Variants in FAT3 observed in about 807,000 individuals in gnomAD.
FAT3 encodes the protein FAT atypical cadherin 3.
A neutral mutation model predicts 310.2 loss-of-function variants in FAT3; 95 were observed. The observed-to-expected ratio is 0.31, with a 90% CI of 0.26 to 0.36. The LOEUF (loss-of-function observed/expected upper bound fraction) is 0.36. Ranked by LOEUF, FAT3 falls within the 10% of genes least tolerant of loss-of-function variation. The probability of loss-of-function intolerance (pLI) is 1.00; values close to 1 mark genes in which losing one functional copy is unlikely to be tolerated. For synonymous variants in FAT3, 2,314 were observed against 2,192.9 expected (o/e 1.06, Z -1.54); for missense variants, 5,408 against 5,715.6 (o/e 0.95, Z 1.74).
At chr11:92,576,271 T>C (rs1380983953) in intron 3 of FAT3, among the ~76,000 whole-genome samples, 1 of 152,160 alleles carries the variant, frequency 6.6e-6, no homozygotes, top group African/African-American at 2.4e-5. Context: ...CTAGAGAATA[T>C]TTAGTTACTT....
At chr11:92,516,854 CAGAG>C (rs1271928423) in intron 2 of FAT3, among the ~76,000 whole-genome samples, 1 of 152,126 alleles carries the variant, frequency 6.6e-6, no homozygotes, top group Admixed American at 6.6e-5. Flanking sequence ...AGTAGACAAA[CAGAG>C]AGCCAAATCA....
intron 9 of FAT3, among the ~76,000 whole-genome samples, chr11:92,796,406 G>A (rs187945137): frequency 6.6e-6 from 1 of 152,114 alleles, no homozygotes; most frequent in Non-Finnish European, 1.5e-5. Flanking sequence ...AAATAAGCAA[G>A]TATCTTCTTG....
At chr11:92,866,701 T>C in intron 21 of FAT3, 40 bp from the exon 22 acceptor site, 1 of 1,561,302 alleles carries the variant, frequency 6.4e-7, no homozygotes, top group Admixed American at 1.7e-5. Flanking sequence ...TATTCCCAGT[T>C]GCATGTTGAA....
At chr11:92,325,909 C>T (rs1346040015) in intron 1 of FAT3, among the ~76,000 whole-genome samples, 2 of 152,212 alleles carry the variant, frequency 1.3e-5, no homozygotes, top group Non-Finnish European at 2.9e-5. Flanking sequence ...GGATTACAGG[C>T]ATGAGCCACC....
chr11:92,567,578 CA>C (rs1331913409), intron 3 of FAT3, among the ~76,000 whole-genome samples: 1 of 151,720 alleles, frequency 6.6e-6, no homozygotes, highest in Non-Finnish European at 1.5e-5. Flanking sequence ...TATAAAGACA[CA>C]TGCACACGTA....
At chr11:92,604,806 T>C (rs1048690384) in intron 3 of FAT3, among the ~76,000 whole-genome samples, 5 of 152,214 alleles carry the variant, frequency 3.3e-5, no homozygotes, top group African/African-American at 4.8e-5. Context: ...AGGAGTGATA[T>C]TTAGTAATGA....
At chr11:92,667,888 T>A (rs537791107) in intron 3 of FAT3, among the ~76,000 whole-genome samples, 1 of 152,330 alleles carries the variant, frequency 6.6e-6, no homozygotes, top group Admixed American at 6.5e-5. Flanking sequence ...TAAAAGTGGA[T>A]CATGTGCATC....
chr11:92,559,071 A>G (rs930553243), intron 3 of FAT3, among the ~76,000 whole-genome samples: 1 of 151,852 alleles, frequency 6.6e-6, no homozygotes, highest in Non-Finnish European at 1.5e-5. Flanking sequence ...AGGTGAGGAA[A>G]TTGAGATTTA....
chr11:92,689,739 T>A (rs774329374), intron 3 of FAT3, among the ~76,000 whole-genome samples: 3 of 152,148 alleles, frequency 2.0e-5, no homozygotes, highest in Non-Finnish European at 4.4e-5. Context: ...TATGAATGTG[T>A]GCACATGCAT....
intron 4 of FAT3, among the ~76,000 whole-genome samples, chr11:92,757,386 G>A (rs1280750097): frequency 6.6e-6 from 1 of 152,174 alleles, no homozygotes; most frequent in Admixed American, 6.5e-5. Context: ...GTAGCAGAGC[G>A]AGAGTACACA....
chr11:92,746,427 C>T (rs1945673311), intron 4 of FAT3, among the ~76,000 whole-genome samples: 1 of 152,166 alleles, frequency 6.6e-6, no homozygotes, highest in Non-Finnish European at 1.5e-5. Context: ...GCCCATGATT[C>T]ATTTATCGCC....
chr11:92,741,951 G>A (rs1016125268), intron 4 of FAT3, among the ~76,000 whole-genome samples: 1 of 152,190 alleles, frequency 6.6e-6, no homozygotes, highest in African/African-American at 2.4e-5. Flanking sequence ...GCTATTAGAA[G>A]TAGGAAAACA....
intron 3 of FAT3, among the ~76,000 whole-genome samples, chr11:92,612,753 G>C (rs1940625547): frequency 6.6e-6 from 1 of 152,168 alleles, no homozygotes; most frequent in African/African-American, 2.4e-5. Context: ...GGGAACGATG[G>C]CAGTGGATGG....
intron 3 of FAT3, among the ~76,000 whole-genome samples, chr11:92,547,983 C>A (rs1389039883): frequency 2.0e-5 from 3 of 152,144 alleles, no homozygotes; most frequent in Non-Finnish European, 4.4e-5. Flanking sequence ...GACAGGTAGA[C>A]ATCTTCGGCC....
At chr11:92,587,616 A>T (rs912365563) in intron 3 of FAT3, among the ~76,000 whole-genome samples, 1 of 151,972 alleles carries the variant, frequency 6.6e-6, no homozygotes, top group Non-Finnish European at 1.5e-5. Flanking sequence ...TGAGTATTTC[A>T]TTCTGTTTTT....
chr11:92,722,622 C>T (rs1213406551), intron 4 of FAT3, among the ~76,000 whole-genome samples: 2 of 152,192 alleles, frequency 1.3e-5, no homozygotes, highest in Admixed American at 1.3e-4. Context: ...TTTCACACTG[C>T]CCTAGCAGAG....
chr11:92,583,347 G>A (rs1469187762), intron 3 of FAT3, among the ~76,000 whole-genome samples: 1 of 152,002 alleles, frequency 6.6e-6, no homozygotes, highest in Non-Finnish European at 1.5e-5. Context: ...TTGGGTTAAG[G>A]CAGGGATTTG....
chr11:92,782,436 G>A (rs1032470279), intron 7 of FAT3, among the ~76,000 whole-genome samples: 1 of 152,080 alleles, frequency 6.6e-6, no homozygotes, highest in Non-Finnish European at 1.5e-5. Flanking sequence ...AAACCAGACA[G>A]GTATGGTGGC....
At chr11:92,551,071 A>G (rs1954798980) in intron 3 of FAT3, among the ~76,000 whole-genome samples, 2 of 151,926 alleles carry the variant, frequency 1.3e-5, no homozygotes, top group South Asian at 4.1e-4. Flanking sequence ...CAGAGTGTTG[A>G]TACCTGTCCA....
Sources: allele counts gnomAD v4.1 joint callset (sites outside exome capture counted in the v4.1 genomes callset), GRCh38; gene constraint gnomAD v4.1.1; transcripts MANE v1.5; gene names NCBI Gene and HGNC (gene_info 2026-07-23, HGNC 2026-07-21).